WDFY4: variants seen among roughly 807,000 people sequenced by gnomAD.
WDFY4 encodes the protein WDFY family member 4.
Under a neutral mutation model 351.9 loss-of-function variants are expected in WDFY4, and 169 were observed. The ratio of observed to expected loss-of-function variants is 0.48; its 90% CI spans 0.42 to 0.55. WDFY4 has a LOEUF of 0.55. Among genes scored for constraint, WDFY4 ranks in the 20% least tolerant of loss-of-function variants. WDFY4 has a pLI of 0.00. For synonymous variants in WDFY4, 1,622 were observed against 1,574.6 expected (o/e 1.03, Z -0.71); for missense variants, 3,803 against 3,935.6 (o/e 0.97, Z 0.90).
intron 2 of WDFY4, among the ~76,000 whole-genome samples, chr10:48,717,726 G>A (rs1386442182): frequency 6.6e-6 from 1 of 152,146 alleles, no homozygotes; most frequent in East Asian, 1.9e-4. Flanking sequence ...CCATGTTGAT[G>A]CATCTAGCTC....
chr10:48,788,800 G>C, intron 21 of WDFY4, 125 bp downstream of exon 21: 3 of 1,259,880 alleles, frequency 2.4e-6, no homozygotes, highest in Non-Finnish European at 3.2e-6. Context: ...ACAAATACAT[G>C]TTTCCCACTT....
intron 43 of WDFY4, among the ~76,000 whole-genome samples, chr10:48,883,578 G>A (rs768485074): frequency 3.3e-5 from 5 of 152,276 alleles, no homozygotes; most frequent in South Asian, 2.1e-4. Flanking sequence ...TAGGGGCATG[G>A]CAGGACTGTG....
intron 47 of WDFY4, among the ~76,000 whole-genome samples, chr10:48,912,648 A>G (rs906796166): frequency 6.6e-6 from 1 of 152,224 alleles, no homozygotes; most frequent in Non-Finnish European, 1.5e-5. Flanking sequence ...GTGTTGATTT[A>G]TTGAATGCAC....
intron 1 of WDFY4, among the ~76,000 whole-genome samples, chr10:48,699,191 C>T (rs369174111): frequency 1.0e-3 from 152 of 152,266 alleles, no homozygotes; most frequent in African/African-American, 3.5e-3. Context: ...GGACAGGGCT[C>T]TCAGGGTGAC....
chr10:48,831,250 C>T (rs2068179345), intron 38 of WDFY4, among the ~76,000 whole-genome samples: 1 of 152,186 alleles, frequency 6.6e-6, no homozygotes, highest in Non-Finnish European at 1.5e-5. Context: ...TGTCCTTGAG[C>T]TTAGGTTCCT....
At chr10:48,715,722 T>C (rs939911230) in intron 2 of WDFY4, among the ~76,000 whole-genome samples, 1 of 152,100 alleles carries the variant, frequency 6.6e-6, no homozygotes, top group Non-Finnish European at 1.5e-5. Flanking sequence ...GCCTCCCAGA[T>C]TCATGCCATT....
chr10:48,721,459 G>A, intron 4 of WDFY4, 92 bp downstream of exon 4: 4 of 1,148,956 alleles, frequency 3.5e-6, no homozygotes, highest in South Asian at 1.3e-5. Context: ...TCCCAAGAGG[G>A]TCATTCGTTT....
chr10:48,790,606 C>A, intron 22 of WDFY4, 121 bp from the exon 23 acceptor site: 2 of 1,129,794 alleles, frequency 1.8e-6, no homozygotes, highest in Non-Finnish European at 2.5e-6. Context: ...GTGCACAGGT[C>A]CCTCTGGCTG....
intron 39 of WDFY4, among the ~76,000 whole-genome samples, chr10:48,856,953 AT>A (rs1198760872): frequency 1.3e-5 from 2 of 152,150 alleles, no homozygotes; most frequent in African/African-American, 2.4e-5. Flanking sequence ...TATTTGCTTG[AT>A]TTTTCTAAAA....
At chr10:48,837,348 C>A (rs2068437735) in intron 39 of WDFY4, among the ~76,000 whole-genome samples, 1 of 152,004 alleles carries the variant, frequency 6.6e-6, no homozygotes, top group African/African-American at 2.4e-5. Flanking sequence ...AAAGCCAGGT[C>A]AGGGGGTACC....
chr10:48,828,366 G>A (rs2068073586), intron 36 of WDFY4, among the ~76,000 whole-genome samples: 1 of 152,202 alleles, frequency 6.6e-6, no homozygotes, highest in Non-Finnish European at 1.5e-5. Context: ...AGGGCCCTGT[G>A]TAATTGCACA....
chr10:48,781,195 C>T (rs1408645263), intron 19 of WDFY4, among the ~76,000 whole-genome samples: 2 of 150,044 alleles, frequency 1.3e-5, no homozygotes, highest in Non-Finnish European at 3.0e-5. Context: ...GTTCTGTTAT[C>T]AAAAAAAGGC....
intron 43 of WDFY4, among the ~76,000 whole-genome samples, chr10:48,881,867 C>T (rs1367271761): frequency 1.3e-5 from 2 of 152,218 alleles, no homozygotes; most frequent in South Asian, 2.1e-4. Flanking sequence ...TCCTGGTGCG[C>T]CCATCCCCAG....
rs1837367091 is a variant in WDFY4, at chr10:48,901,817, C to T, written c.7540C>T (p.Pro2514Ser). The change falls in exon 47 of 62, where the codon CCC becomes TCC. Residue 2514 changes from proline to serine, a missense_variant. Physicochemically the swap from Pro to Ser is moderately conservative, Grantham distance 74. Transcript: ENST00000325239. ...TTCATGTAGCTTCTGCTCTTTCCAA[C>T]CCAGCCTGAAGGGGAAAGCCACCTC... is the stretch of plus-strand genomic sequence containing the variant. ...KAFKSFCSFQ[P>S]SLKGKATSED... 1 of 1,551,596 alleles carries T rather than the reference C, an allele frequency of 6.4e-7. No individual in the cohort carries two copies. The highest frequency in any genetic ancestry group is 2.4e-5 in the East Asian group (1 of 40,918).
chr10:48,916,523 T>C (rs1278475804), intron 47 of WDFY4, among the ~76,000 whole-genome samples: 1 of 152,206 alleles, frequency 6.6e-6, no homozygotes, highest in Non-Finnish European at 1.5e-5. Context: ...GGGGGGTTGC[T>C]TTGTTTTCTC....
intron 47 of WDFY4, among the ~76,000 whole-genome samples, chr10:48,940,219 C>T (rs1269596521): frequency 2.0e-5 from 3 of 152,330 alleles, no homozygotes; most frequent in South Asian, 2.1e-4. Context: ...GTGGCAGAGT[C>T]GCAGACACAG....
chr10:48,938,711 C>T (rs549646174), intron 47 of WDFY4, among the ~76,000 whole-genome samples: 1 of 152,248 alleles, frequency 6.6e-6, no homozygotes, highest in African/African-American at 2.4e-5. Flanking sequence ...TTCTGAAGCT[C>T]GTCTGGGGGG....
intron 13 of WDFY4, among the ~76,000 whole-genome samples, chr10:48,768,869 C>G (rs1040016418): frequency 6.6e-6 from 1 of 152,090 alleles, no homozygotes; most frequent in African/African-American, 2.4e-5. Context: ...GAGTAATAAG[C>G]AGGAGCTCAG....
intron 47 of WDFY4, among the ~76,000 whole-genome samples, chr10:48,915,978 A>C (rs901433901): frequency 6.6e-6 from 1 of 152,240 alleles, no homozygotes; most frequent in Non-Finnish European, 1.5e-5. Flanking sequence ...AGGATAAAAC[A>C]GCTTAAAAAA....
Sources: gnomAD v4.1 joint callset for allele counts (sites outside exome capture counted in the v4.1 genomes callset) on GRCh38, gnomAD v4.1.1 for gene constraint, MANE v1.5 for transcripts, NCBI Gene and HGNC (gene_info 2026-07-23, HGNC 2026-07-21) for gene names.